PIBF1: variants seen among roughly 807,000 people sequenced by gnomAD.
PIBF1 encodes progesterone-induced-blocking factor 1.
In PIBF1, 90 loss-of-function variants were observed where a neutral mutation model predicts 112.5. That is an observed-to-expected ratio of 0.80 (90% CI 0.67 to 0.95). PIBF1 has a LOEUF of 0.95. Ranked by LOEUF, PIBF1 falls within the 40% of genes least tolerant of loss-of-function variation. The probability of loss-of-function intolerance (pLI) is 0.00; values close to 1 mark genes in which losing one functional copy is unlikely to be tolerated. For missense variants in PIBF1, 915 were observed against 852.3 expected, an observed-to-expected ratio of 1.07 and a Z score of -0.92; for synonymous variants, 301 against 288.6, an observed-to-expected ratio of 1.04 and a Z score of -0.44.
chr13:72,956,770 G>A (rs998598786), intron 14 of PIBF1, among the ~76,000 whole-genome samples: 7 of 152,114 alleles, frequency 4.6e-5, no homozygotes, highest in Non-Finnish European at 8.8e-5. Flanking sequence ...AACATTAGAC[G>A]AAGTCTAGAA....
At chr13:72,808,234 T>C (rs1296500643) in intron 5 of PIBF1, among the ~76,000 whole-genome samples, 2 of 152,228 alleles carry the variant, frequency 1.3e-5, no homozygotes, top group African/African-American at 4.8e-5. Flanking sequence ...CTTTTATTTC[T>C]CTATTTGTTT....
chr13:72,859,468 A>G (rs779918638), intron 10 of PIBF1, among the ~76,000 whole-genome samples: 6 of 152,186 alleles, frequency 3.9e-5, no homozygotes, highest in African/African-American at 1.2e-4. Flanking sequence ...GTACTCATCT[A>G]TAATATCCTG....
At chr13:72,910,434 G>A (rs549533335) in intron 12 of PIBF1, among the ~76,000 whole-genome samples, 84 of 152,084 alleles carry the variant, frequency 5.5e-4, no homozygotes, top group Non-Finnish European at 1.1e-3. Context: ...TCTTACCTCC[G>A]TAACTTTGCA....
intron 11 of PIBF1, among the ~76,000 whole-genome samples, chr13:72,899,023 A>G (rs1163418589): frequency 1.3e-5 from 2 of 152,154 alleles, no homozygotes; most frequent in Non-Finnish European, 2.9e-5. Context: ...TAGAAAACCT[A>G]AAAGAGATGG....
intron 16 of PIBF1, among the ~76,000 whole-genome samples, chr13:72,976,493 ATCTT>A (rs1252107240): frequency 7.9e-5 from 12 of 152,324 alleles, no homozygotes; most frequent in Admixed American, 2.0e-4. Context: ...TTGACAGTAT[ATCTT>A]TATTTTGGCA....
chr13:72,890,026 T>A (rs149139273), intron 10 of PIBF1, among the ~76,000 whole-genome samples: 59 of 152,316 alleles, frequency 3.9e-4, no homozygotes, highest in Admixed American at 1.5e-3. Flanking sequence ...TACCCAATGA[T>A]GACCTTGTTA....
intron 11 of PIBF1, among the ~76,000 whole-genome samples, chr13:72,907,274 ATT>A (rs1259264902): frequency 1.3e-5 from 2 of 152,134 alleles, no homozygotes; most frequent in Admixed American, 1.3e-4. Context: ...ATTTCTGCTC[ATT>A]GAGAACTGTA....
At chr13:72,789,252 A>C (rs559570142) in intron 2 of PIBF1, among the ~76,000 whole-genome samples, 1 of 152,172 alleles carries the variant, frequency 6.6e-6, no homozygotes, top group Non-Finnish European at 1.5e-5. Context: ...TGGCTTGATC[A>C]CAGCTCTCTG....
chr13:72,798,170 G>A (rs1198947647), intron 5 of PIBF1, 144 bp downstream of exon 5: 3 of 775,908 alleles, frequency 3.9e-6, no homozygotes, highest in Non-Finnish European at 5.9e-6. Context: ...TAATGGGAAG[G>A]AGGTTAAATT....
intron 5 of PIBF1, among the ~76,000 whole-genome samples, chr13:72,809,738 C>A (rs1355983859): frequency 6.6e-6 from 1 of 151,534 alleles, no homozygotes; most frequent in Non-Finnish European, 1.5e-5. Flanking sequence ...TACAGGCATG[C>A]GCCACCATGC....
At chr13:72,815,775 C>A (rs1024382791) in intron 5 of PIBF1, among the ~76,000 whole-genome samples, 2 of 152,170 alleles carry the variant, frequency 1.3e-5, no homozygotes, top group Non-Finnish European at 2.9e-5. Flanking sequence ...AAGCCATTCT[C>A]CCACATCAGC....
At chr13:72,831,935 T>C (rs1179066320) in intron 8 of PIBF1, among the ~76,000 whole-genome samples, 3 of 152,170 alleles carry the variant, frequency 2.0e-5, no homozygotes, top group Non-Finnish European at 2.9e-5. Context: ...GTTCCTGTAA[T>C]GGGTGCATAT....
At chr13:72,806,147 C>T (rs540614934) in intron 5 of PIBF1, among the ~76,000 whole-genome samples, 2 of 152,294 alleles carry the variant, frequency 1.3e-5, no homozygotes, top group South Asian at 4.1e-4. Context: ...CAACAGATCT[C>T]TAGTACTTTT....
At chr13:73,002,786 C>T (rs2139037939) in intron 17 of PIBF1, among the ~76,000 whole-genome samples, 1 of 152,072 alleles carries the variant, frequency 6.6e-6, no homozygotes, top group Middle Eastern at 3.4e-3. Flanking sequence ...GAGTTCGAGA[C>T]CAGCCTGGCC....
chr13:72,981,583 G>A (rs1461523257), intron 16 of PIBF1, among the ~76,000 whole-genome samples: 1 of 149,662 alleles, frequency 6.7e-6, no homozygotes, highest in African/African-American at 2.4e-5. Flanking sequence ...TTTTCTAATA[G>A]AAAGAGATGT....
chr13:72,813,151 A>G (rs1475801576), intron 5 of PIBF1, among the ~76,000 whole-genome samples: 1 of 152,146 alleles, frequency 6.6e-6, no homozygotes, highest in East Asian at 1.9e-4. Flanking sequence ...AAGCTAAATG[A>G]ACTCCTACTT....
intron 15 of PIBF1, among the ~76,000 whole-genome samples, chr13:72,973,153 T>C (rs1203328581): frequency 6.6e-6 from 1 of 152,124 alleles, no homozygotes; most frequent in African/African-American, 2.4e-5. Context: ...ATGCCTGTAG[T>C]CCCAGATACT....
At chr13:72,924,715 A>G (rs2138729424) in intron 13 of PIBF1, among the ~76,000 whole-genome samples, 1 of 147,452 alleles carries the variant, frequency 6.8e-6, no homozygotes, top group Non-Finnish European at 1.5e-5. Flanking sequence ...AGACCCTGCC[A>G]GAAAAAAAAA....
intron 13 of PIBF1, among the ~76,000 whole-genome samples, chr13:72,930,826 A>G (rs192179079): frequency 5.4e-4 from 83 of 152,350 alleles, no homozygotes; most frequent in African/African-American, 2.0e-3. Flanking sequence ...GAAAATATTT[A>G]TAAAAGTGGA....
Sources: gnomAD v4.1 joint callset for allele counts (sites outside exome capture counted in the v4.1 genomes callset) on GRCh38, gnomAD v4.1.1 for gene constraint, MANE v1.5 for transcripts, NCBI Gene and HGNC (gene_info 2026-07-23, HGNC 2026-07-21) for gene names.